The following FOXO1 variants were observed in gnomAD, a reference collection of about 807,000 sequenced individuals.
FOXO1 encodes the protein forkhead box protein O1.
FOXO1 carries 6 observed loss-of-function variants against 44.1 expected under a neutral mutation model. The observed-to-expected ratio is 0.14, with a 90% CI of 0.07 to 0.27. The LOEUF is 0.27. FOXO1 is among the 10% of genes least tolerant of loss of function. The probability of loss-of-function intolerance (pLI) is 1.00; values close to 1 mark genes in which losing one functional copy is unlikely to be tolerated. For synonymous variants in FOXO1, 380 were observed against 362.7 expected (o/e 1.05, Z -0.54); for missense variants, 737 against 888.8 (o/e 0.83, Z 2.17).
intron 1 of FOXO1, among the ~76,000 whole-genome samples, chr13:40,646,916 G>C (rs1877529966): frequency 6.6e-6 from 1 of 152,128 alleles, no homozygotes; most frequent in African/African-American, 2.4e-5. Context: ...CAATTCAAAA[G>C]GGATGTTGGG....
At chr13:40,570,551 A>G (rs1458974276) in intron 1 of FOXO1, among the ~76,000 whole-genome samples, 1 of 152,206 alleles carries the variant, frequency 6.6e-6, no homozygotes, top group Admixed American at 6.5e-5. Flanking sequence ...AATATTTCAG[A>G]GTAACATTTC....
At chr13:40,658,836 C>T (rs917463199) in intron 1 of FOXO1, among the ~76,000 whole-genome samples, 1 of 151,762 alleles carries the variant, frequency 6.6e-6, no homozygotes, top group Admixed American at 6.6e-5. Context: ...GGTGAAATCC[C>T]GTCTCTACTA....
chr13:40,643,680 T>C (rs1250745387), intron 1 of FOXO1, among the ~76,000 whole-genome samples: 2 of 152,198 alleles, frequency 1.3e-5, no homozygotes, highest in East Asian at 1.9e-4. Flanking sequence ...TCTTTGGTTC[T>C]GATCTTATGT....
intron 1 of FOXO1, among the ~76,000 whole-genome samples, chr13:40,592,890 T>C (rs1021898681): frequency 2.6e-5 from 4 of 152,204 alleles, no homozygotes; most frequent in African/African-American, 9.7e-5. Flanking sequence ...TAATTAAAGG[T>C]ATATGGTTTC....
chr13:40,570,184 C>A (rs1874430707), intron 1 of FOXO1, among the ~76,000 whole-genome samples: 1 of 151,930 alleles, frequency 6.6e-6, no homozygotes, highest in Non-Finnish European at 1.5e-5. Flanking sequence ...GTGGCACGTG[C>A]CTGTAATCCC....
chr13:40,654,734 G>C (rs965073051), intron 1 of FOXO1, among the ~76,000 whole-genome samples: 4 of 152,088 alleles, frequency 2.6e-5, no homozygotes, highest in African/African-American at 9.7e-5. Flanking sequence ...CCAGATGAGG[G>C]GTGCTGCAGT....
chr13:40,628,432 T>C (rs536937116), intron 1 of FOXO1, among the ~76,000 whole-genome samples: 27 of 152,078 alleles, frequency 1.8e-4, no homozygotes, highest in African/African-American at 6.5e-4. Context: ...TCGCAACTTG[T>C]CTGGACAAAC....
chr13:40,656,487 C>G (rs1049564565), intron 1 of FOXO1, among the ~76,000 whole-genome samples: 2 of 152,154 alleles, frequency 1.3e-5, no homozygotes, highest in African/African-American at 4.8e-5. Context: ...AAGAACAGAT[C>G]AAGCAAAAAG....
intron 1 of FOXO1, among the ~76,000 whole-genome samples, chr13:40,655,257 G>T (rs185360835): frequency 8.6e-5 from 13 of 151,418 alleles, no homozygotes; most frequent in Admixed American, 8.6e-4. Flanking sequence ...GGGTGAGGCA[G>T]GAGAATCGCT....
chr13:40,581,814 T>C (rs1016062273), intron 1 of FOXO1, among the ~76,000 whole-genome samples: 2 of 152,198 alleles, frequency 1.3e-5, no homozygotes, highest in African/African-American at 4.8e-5. Flanking sequence ...AGTTACAGAA[T>C]GGTGTTTACC....
intron 1 of FOXO1, among the ~76,000 whole-genome samples, chr13:40,587,652 A>G (rs546119806): frequency 5.9e-5 from 9 of 152,276 alleles, no homozygotes; most frequent in Non-Finnish European, 1.3e-4. Flanking sequence ...GCTTGGAGAA[A>G]ATCTTTGTTG....
chr13:40,566,742 C>T (rs941082418), intron 1 of FOXO1, among the ~76,000 whole-genome samples: 3 of 152,002 alleles, frequency 2.0e-5, no homozygotes, highest in African/African-American at 4.8e-5. Flanking sequence ...TATAATTACA[C>T]AATATATTTA....
chr13:40,583,545 G>A (rs1875034715), intron 1 of FOXO1, among the ~76,000 whole-genome samples: 1 of 152,144 alleles, frequency 6.6e-6, no homozygotes, highest in South Asian at 2.1e-4. Flanking sequence ...ATAACTTGCT[G>A]CTCCTTCACT....
intron 1 of FOXO1, among the ~76,000 whole-genome samples, chr13:40,650,267 G>A (rs2137932327): frequency 6.6e-6 from 1 of 152,296 alleles, no homozygotes; most frequent in Non-Finnish European, 1.5e-5. Context: ...CTTTGTTTTG[G>A]TGGGTTTTAG....
At chr13:40,624,095 T>A (rs541626713) in intron 1 of FOXO1, among the ~76,000 whole-genome samples, 1 of 151,596 alleles carries the variant, frequency 6.6e-6, no homozygotes, top group African/African-American at 2.4e-5. Context: ...CAGCATGAGA[T>A]TGTCTCAATA....
intron 1 of FOXO1, among the ~76,000 whole-genome samples, chr13:40,624,565 G>A (rs555678768): frequency 6.6e-6 from 1 of 152,278 alleles, no homozygotes; most frequent in East Asian, 1.9e-4. Flanking sequence ...GAACCCCAGG[G>A]CCAGAGCACT....
intron 1 of FOXO1, among the ~76,000 whole-genome samples, chr13:40,645,544 C>A (rs1303691510): frequency 6.6e-6 from 1 of 152,138 alleles, no homozygotes; most frequent in Admixed American, 6.6e-5. Context: ...TTTCTAAAGG[C>A]AGTAATAAGT....
chr13:40,660,563 T>C (rs1477973411), intron 1 of FOXO1, among the ~76,000 whole-genome samples: 2 of 152,214 alleles, frequency 1.3e-5, no homozygotes, highest in East Asian at 1.9e-4. Context: ...ATGTTTACAG[T>C]CTGCAAGGCA....
At chr13:40,628,348 G>C (rs1421455661) in intron 1 of FOXO1, among the ~76,000 whole-genome samples, 2 of 132,168 alleles carry the variant, frequency 1.5e-5, no homozygotes, top group Non-Finnish European at 3.1e-5. Context: ...TTCCTCAAAA[G>C]AGCTGTTTAC....
Sources: gnomAD v4.1 joint callset for allele counts (sites outside exome capture counted in the v4.1 genomes callset) on GRCh38, gnomAD v4.1.1 for gene constraint, MANE v1.5 for transcripts, NCBI Gene and HGNC (gene_info 2026-07-23, HGNC 2026-07-21) for gene names.